The following PHACTR1 variants were observed in gnomAD, a reference collection of about 807,000 sequenced individuals.
PHACTR1 encodes RPEL repeat containing 1.
PHACTR1 carries 16 observed loss-of-function variants against 69.2 expected under a neutral mutation model. The ratio of observed to expected loss-of-function variants is 0.23; its 90% CI spans 0.16 to 0.35. The LOEUF (loss-of-function observed/expected upper bound fraction) is 0.35. Among genes scored for constraint, PHACTR1 ranks in the 10% least tolerant of loss-of-function variants. The pLI is 1.00. For missense variants in PHACTR1, 510 were observed against 734.7 expected (o/e 0.69, Z 3.54); for synonymous variants, 312 against 284.5 (o/e 1.10, Z -0.97).
At chr6:13,103,947 G>C (rs1182855608) in intron 5 of PHACTR1, among the ~76,000 whole-genome samples, 1 of 152,322 alleles carries the variant, frequency 6.6e-6, no homozygotes, top group East Asian at 1.9e-4. Flanking sequence ...AGTTGGGCAT[G>C]GTGGCACGCA....
chr6:12,949,318 G>C (rs1400707417), intron 4 of PHACTR1, among the ~76,000 whole-genome samples: 1 of 150,586 alleles, frequency 6.6e-6, no homozygotes, highest in Non-Finnish European at 1.5e-5. Flanking sequence ...AAAGAAAAAT[G>C]GTCCACATTC....
intron 8 of PHACTR1, among the ~76,000 whole-genome samples, chr6:13,207,787 C>G (rs1279916709): frequency 6.6e-6 from 1 of 152,086 alleles, no homozygotes. Context: ...GGCTGCTGGT[C>G]ATTGGGTCCT....
intron 8 of PHACTR1, among the ~76,000 whole-genome samples, chr6:13,218,679 A>G (rs1383989989): frequency 6.6e-6 from 1 of 151,928 alleles, no homozygotes; most frequent in Non-Finnish European, 1.5e-5. Flanking sequence ...AAAATTAGCC[A>G]GGTATGGTGA....
intron 4 of PHACTR1, among the ~76,000 whole-genome samples, chr6:12,909,940 C>T (rs1443724997): frequency 2.0e-5 from 3 of 152,238 alleles, no homozygotes; most frequent in African/African-American, 4.8e-5. Context: ...GCCCCACATT[C>T]GAAGATCCCA....
At chr6:12,847,717 A>T (rs1365776667) in intron 4 of PHACTR1, among the ~76,000 whole-genome samples, 1 of 152,142 alleles carries the variant, frequency 6.6e-6, no homozygotes, top group Non-Finnish European at 1.5e-5. Flanking sequence ...CCTAATTAAG[A>T]TTCATGGTAA....
chr6:13,078,655 A>G (rs1385887426), intron 5 of PHACTR1, among the ~76,000 whole-genome samples: 1 of 152,192 alleles, frequency 6.6e-6, no homozygotes, highest in African/African-American at 2.4e-5. Flanking sequence ...GCTCATTACC[A>G]GACTGGCAGA....
chr6:12,987,101 G>T (rs1796278663), intron 4 of PHACTR1, among the ~76,000 whole-genome samples: 1 of 152,124 alleles, frequency 6.6e-6, no homozygotes, highest in Admixed American at 6.5e-5. Flanking sequence ...GATTTTAAAA[G>T]AAATGTAATA....
At chr6:12,921,519 G>GGGGA (rs150299699) in intron 4 of PHACTR1, among the ~76,000 whole-genome samples, 2 of 135,588 alleles carry the variant, frequency 1.5e-5, no homozygotes, top group African/African-American at 3.0e-5. Context: ...AAGGAAGGAA[G>GGGGA]GGGAGGGAGG....
intron 4 of PHACTR1, among the ~76,000 whole-genome samples, chr6:13,005,530 G>A (rs1451662297): frequency 1.3e-5 from 2 of 152,066 alleles, no homozygotes; most frequent in South Asian, 4.1e-4. Flanking sequence ...ATGAATCACA[G>A]AGGAAAAGCT....
chr6:13,168,593 C>A (rs979761614), intron 6 of PHACTR1, among the ~76,000 whole-genome samples: 2 of 152,106 alleles, frequency 1.3e-5, no homozygotes, highest in African/African-American at 2.4e-5. Context: ...TTGGCAGTTA[C>A]AATGGAGAAA....
At chr6:12,750,107 G>C (rs1041526807) in intron 4 of PHACTR1, among the ~76,000 whole-genome samples, 5 of 152,136 alleles carry the variant, frequency 3.3e-5, no homozygotes, top group Admixed American at 3.3e-4. Flanking sequence ...CGCAGGCTGC[G>C]GGCGCGGGGT....
intron 4 of PHACTR1, among the ~76,000 whole-genome samples, chr6:12,934,599 G>A (rs1789235580): frequency 6.6e-6 from 1 of 152,112 alleles, no homozygotes; most frequent in Admixed American, 6.6e-5. Flanking sequence ...ACTTTGGGAG[G>A]CCGAGGCAGG....
At chr6:13,116,613 A>G (rs1359676784) in intron 5 of PHACTR1, among the ~76,000 whole-genome samples, 2 of 152,216 alleles carry the variant, frequency 1.3e-5, no homozygotes, top group Non-Finnish European at 2.9e-5. Context: ...TCTTATTTCC[A>G]GGTAATGGAT....
intron 5 of PHACTR1, among the ~76,000 whole-genome samples, chr6:13,068,610 A>G (rs1406380647): frequency 6.6e-6 from 1 of 152,178 alleles, no homozygotes; most frequent in African/African-American, 2.4e-5. Flanking sequence ...GCCTTTAGAC[A>G]CGTTGTACAA....
At chr6:13,160,549 G>C (rs1295024010) in intron 6 of PHACTR1, among the ~76,000 whole-genome samples, 1 of 152,210 alleles carries the variant, frequency 6.6e-6, no homozygotes, top group Non-Finnish European at 1.5e-5. Flanking sequence ...GTGGCCCCGG[G>C]AATGATGCAG....
At chr6:12,774,925 C>T (rs1004178526) in intron 4 of PHACTR1, among the ~76,000 whole-genome samples, 1 of 152,154 alleles carries the variant, frequency 6.6e-6, no homozygotes, top group Non-Finnish European at 1.5e-5. Flanking sequence ...CTATGAAGTT[C>T]CTGAGTCACT....
At chr6:13,160,516 C>T (rs1561920265) in intron 6 of PHACTR1, among the ~76,000 whole-genome samples, 1 of 152,158 alleles carries the variant, frequency 6.6e-6, no homozygotes, top group Non-Finnish European at 1.5e-5. Context: ...GGAATCAAAC[C>T]ACAGGAGGCT....
intron 4 of PHACTR1, among the ~76,000 whole-genome samples, chr6:13,022,323 A>G (rs147343229): frequency 2.6e-5 from 4 of 152,302 alleles, no homozygotes; most frequent in African/African-American, 4.8e-5. Flanking sequence ...TGTAAAATGA[A>G]TTTACTTCCA....
Position 12,982,014 on chromosome 6 carries a change from C to G in PHACTR1, c.251-71351C>G, listed in dbSNP as rs543971764. On this transcript the variant is annotated intron_variant, in intron 4 of 14. Coordinates refer to ENST00000332995, the MANE Select transcript of PHACTR1 (RefSeq NM_030948.6). ...GTTAGACTTTTCTACATCTTTTTTG[C>G]TTACTCTCTCCCTTCCCAAATCCCA... 1.1e-3 allele frequency among the ~76,000 whole-genome samples: 165 copies of G among 152,214 alleles called. 1 individual carries two copies. Among genetic ancestry groups the G allele is most frequent in the African/African-American group, 3.9e-3 (162 of 41,562 alleles).
Sources: allele counts gnomAD v4.1 joint callset (sites outside exome capture counted in the v4.1 genomes callset), GRCh38; gene constraint gnomAD v4.1.1; transcripts MANE v1.5; gene names NCBI Gene and HGNC (gene_info 2026-07-23, HGNC 2026-07-21).